GPC5: variants seen among roughly 807,000 people sequenced by gnomAD.
GPC5 encodes the protein glypican 5.
A neutral mutation model predicts 53.9 loss-of-function variants in GPC5; 47 were observed. The observed-to-expected ratio is 0.87, with a 90% CI of 0.69 to 1.11. The LOEUF (loss-of-function observed/expected upper bound fraction) is 1.11, where lower values mean the gene tolerates loss of function less well. Ranked by LOEUF, GPC5 falls within the 50% of genes most tolerant of loss-of-function variation. GPC5 has a pLI of 0.00. For synonymous variants in GPC5, 286 were observed against 263.3 expected (o/e 1.09, Z -0.84); for missense variants, 748 against 713.1 (o/e 1.05, Z -0.56).
intron 7 of GPC5, among the ~76,000 whole-genome samples, chr13:92,722,899 G>A (rs911371503): frequency 6.6e-6 from 1 of 151,706 alleles, no homozygotes; most frequent in Admixed American, 6.6e-5. Flanking sequence ...AACTGTGAAA[G>A]TTACCACTCA....
At chr13:92,555,695 A>T (rs1253600108) in intron 7 of GPC5, among the ~76,000 whole-genome samples, 1 of 149,872 alleles carries the variant, frequency 6.7e-6, no homozygotes, top group Non-Finnish European at 1.5e-5. Context: ...TTAGGATGAA[A>T]ACACATATTG....
chr13:91,665,879 A>G (rs1267981941), intron 2 of GPC5, among the ~76,000 whole-genome samples: 1 of 152,172 alleles, frequency 6.6e-6, no homozygotes, highest in Non-Finnish European at 1.5e-5. Flanking sequence ...ATTTGAGCAC[A>G]GTCGAGTGGA....
intron 6 of GPC5, among the ~76,000 whole-genome samples, chr13:92,129,564 A>G (rs1435649834): frequency 1.3e-5 from 2 of 152,246 alleles, no homozygotes; most frequent in Non-Finnish European, 2.9e-5. Context: ...AATTAAGCGG[A>G]CAAATTTAGA....
intron 6 of GPC5, among the ~76,000 whole-genome samples, chr13:92,134,337 G>T (rs938876278): frequency 3.9e-5 from 6 of 152,236 alleles, no homozygotes; most frequent in African/African-American, 1.4e-4. Flanking sequence ...ACCCACAACA[G>T]GCAAAGGCAG....
chr13:92,181,082 G>T (rs892540671), intron 7 of GPC5, among the ~76,000 whole-genome samples: 1 of 152,110 alleles, frequency 6.6e-6, no homozygotes, highest in African/African-American at 2.4e-5. Context: ...AAGCCTGCCT[G>T]GTTGTGAGCT....
intron 7 of GPC5, among the ~76,000 whole-genome samples, chr13:92,656,850 C>T (rs184841403): frequency 5.3e-5 from 8 of 152,142 alleles, no homozygotes; most frequent in East Asian, 1.9e-4. Context: ...GCTACTCTTA[C>T]GAGTCTGAGG....
At chr13:92,489,931 G>A (rs1214018648) in intron 7 of GPC5, among the ~76,000 whole-genome samples, 3 of 151,472 alleles carry the variant, frequency 2.0e-5, no homozygotes, top group African/African-American at 7.2e-5. Context: ...TTTCTTGGCA[G>A]GATTTTAAAT....
chr13:92,406,065 T>C (rs939368294), intron 7 of GPC5, among the ~76,000 whole-genome samples: 9 of 152,242 alleles, frequency 5.9e-5, no homozygotes, highest in Non-Finnish European at 1.2e-4. Context: ...AAGGTCATTT[T>C]TTCTATTTAA....
At chr13:92,278,519 G>C (rs952444491) in intron 7 of GPC5, among the ~76,000 whole-genome samples, 3 of 151,956 alleles carry the variant, frequency 2.0e-5, no homozygotes, top group Non-Finnish European at 4.4e-5. Flanking sequence ...TATAATTTGG[G>C]ATGGGCAATG....
intron 7 of GPC5, among the ~76,000 whole-genome samples, chr13:92,312,279 T>C (rs1255019215): frequency 6.6e-6 from 1 of 152,100 alleles, no homozygotes; most frequent in African/African-American, 2.4e-5. Context: ...AGATTCAAGA[T>C]GTGTGTGCTA....
chr13:91,459,117 T>G (rs1881756793), intron 2 of GPC5, among the ~76,000 whole-genome samples: 1 of 151,506 alleles, frequency 6.6e-6, no homozygotes, highest in Admixed American at 6.6e-5. Context: ...GCACACTGCT[T>G]GGGTGATGGG....
chr13:92,634,102 C>T (rs1736937613), intron 7 of GPC5, among the ~76,000 whole-genome samples: 1 of 142,258 alleles, frequency 7.0e-6, no homozygotes, highest in African/African-American at 2.5e-5. Context: ...CCATGAATCT[C>T]TCTTGGTTAC....
intron 7 of GPC5, among the ~76,000 whole-genome samples, chr13:92,465,753 C>T (rs140763550): frequency 1.8e-4 from 28 of 152,084 alleles, no homozygotes; most frequent in Admixed American, 7.9e-4. Context: ...GAGTTCCATA[C>T]TGACAGCAGT....
At chr13:92,712,453 A>C (rs767807418) in intron 7 of GPC5, among the ~76,000 whole-genome samples, 1 of 30,510 alleles carries the variant, frequency 3.3e-5, no homozygotes, top group Non-Finnish European at 7.4e-5. Flanking sequence ...CAGTAAAAAC[A>C]AACAAACAAA....
chr13:91,553,676 A>C (rs2030778956), intron 2 of GPC5, among the ~76,000 whole-genome samples: 1 of 152,118 alleles, frequency 6.6e-6, no homozygotes, highest in South Asian at 2.1e-4. Flanking sequence ...TCCAAAGTGA[A>C]ATAAATATTT....
intron 7 of GPC5, among the ~76,000 whole-genome samples, chr13:92,338,976 G>T (rs1250934503): frequency 6.6e-6 from 1 of 152,002 alleles, no homozygotes; most frequent in South Asian, 2.1e-4. Flanking sequence ...GACTATGCAT[G>T]TGTGAAGGCA....
intron 7 of GPC5, among the ~76,000 whole-genome samples, chr13:92,549,884 T>TACAC (rs34914341): frequency 0.19 from 26,158 of 140,678 alleles, 2,453 homozygotes; most frequent in Non-Finnish European, 0.2. Context: ...AACACACACA[T>TACAC]ACACACACAC....
At chr13:92,459,593 G>A (rs1022167152) in intron 7 of GPC5, among the ~76,000 whole-genome samples, 58 of 152,238 alleles carry the variant, frequency 3.8e-4, no homozygotes, top group African/African-American at 1.3e-3. Flanking sequence ...CTGTTGCAGG[G>A]AATAGACAGG....
chr13:92,592,751 G>A (rs1269442941), intron 7 of GPC5, among the ~76,000 whole-genome samples: 1 of 151,170 alleles, frequency 6.6e-6, no homozygotes, highest in Non-Finnish European at 1.5e-5. Context: ...GAGATAAATA[G>A]TAATTACAAA....
Sources: gnomAD v4.1 joint callset for allele counts (sites outside exome capture counted in the v4.1 genomes callset) on GRCh38, gnomAD v4.1.1 for gene constraint, MANE v1.5 for transcripts, NCBI Gene and HGNC (gene_info 2026-07-23, HGNC 2026-07-21) for gene names.